Variants in DTD1 observed in about 807,000 individuals in gnomAD.
DTD1 encodes D-tyrosyl-tRNA deacylase 1 homolog.
A neutral mutation model predicts 25.6 loss-of-function variants in DTD1; 13 were observed. The ratio of observed to expected loss-of-function variants is 0.51; its 90% CI spans 0.33 to 0.81. The LOEUF (loss-of-function observed/expected upper bound fraction) is 0.81. Among genes scored for constraint, DTD1 ranks in the 30% least tolerant of loss-of-function variants. The pLI is 0.02. For synonymous variants in DTD1, 110 were observed against 103.6 expected (o/e 1.06, Z -0.37); for missense variants, 193 against 266.4 (o/e 0.72, Z 1.92).
chr20:18,676,211 GT>G lies in DTD1; in HGVS notation c.477+47981del, dbSNP rs1296737700. 2.6e-5 allele frequency among the ~76,000 whole-genome samples: 4 copies of G among 152,088 alleles called. No homozygotes were observed. In the East Asian group the frequency reaches 5.8e-4, roughly 22 times the overall value. On this transcript the variant is annotated intron_variant, in intron 4 of 5. Transcript: ENST00000377452. ...GGTAGAGAATGCAGACATGTCCAAG[GT>G]TTCGAAACTGCTCATCAAGAGCTCC...
chr20:18,591,832 A>G (rs1041818322), intron 1 of DTD1, among the ~76,000 whole-genome samples: 6 of 152,204 alleles, frequency 3.9e-5, no homozygotes, highest in South Asian at 2.1e-4. Context: ...CCAACCCCCA[A>G]TTGTTTACTG....
At chr20:18,619,724 C>A (rs951034389) in intron 3 of DTD1, among the ~76,000 whole-genome samples, 18 of 152,332 alleles carry the variant, frequency 1.2e-4, no homozygotes, top group African/African-American at 3.8e-4. Flanking sequence ...CGCACCTGGC[C>A]TCCTCTCCTG....
At chr20:18,724,053 C>G (rs1251172216) in intron 4 of DTD1, among the ~76,000 whole-genome samples, 2 of 152,218 alleles carry the variant, frequency 1.3e-5, no homozygotes, top group Non-Finnish European at 2.9e-5. Flanking sequence ...AAGGGAATGT[C>G]CCTATCTCCT....
chr20:18,606,121 A>T (rs1323784329), intron 3 of DTD1, among the ~76,000 whole-genome samples: 1 of 150,314 alleles, frequency 6.7e-6, no homozygotes, highest in Non-Finnish European at 1.5e-5. Flanking sequence ...GGCGAAGGAC[A>T]TGAACAGACA....
intron 5 of DTD1, among the ~76,000 whole-genome samples, chr20:18,750,222 G>A (rs1352711186): frequency 6.6e-6 from 1 of 152,100 alleles, no homozygotes; most frequent in African/African-American, 2.4e-5. Flanking sequence ...TGTTGCCCGT[G>A]GGTTTTGTTC....
intron 4 of DTD1, among the ~76,000 whole-genome samples, chr20:18,640,780 G>A (rs533766564): frequency 2.0e-5 from 3 of 151,960 alleles, no homozygotes; most frequent in South Asian, 4.2e-4. Flanking sequence ...ACAGGCATGC[G>A]TCACCGTGCC....
intron 4 of DTD1, among the ~76,000 whole-genome samples, chr20:18,688,104 G>A (rs1042256614): frequency 1.3e-5 from 2 of 152,110 alleles, no homozygotes; most frequent in South Asian, 4.1e-4. Context: ...CCCATGCATG[G>A]TCCATCTATA....
intron 3 of DTD1, among the ~76,000 whole-genome samples, chr20:18,627,148 G>A (rs943944398): frequency 5.3e-5 from 8 of 152,214 alleles, no homozygotes; most frequent in Non-Finnish European, 1.0e-4. Flanking sequence ...CAGCTTGGGT[G>A]CTTCTAATAC....
chr20:18,665,782 G>T (rs1002129403), intron 4 of DTD1, among the ~76,000 whole-genome samples: 1 of 151,990 alleles, frequency 6.6e-6, no homozygotes. Flanking sequence ...GGTCTATAGG[G>T]TTTATTTTTT....
chr20:18,757,492 A>T, intron 5 of DTD1, among the ~76,000 whole-genome samples: 1 of 152,156 alleles, frequency 6.6e-6, no homozygotes. Flanking sequence ...GTGCTGTTGA[A>T]TTTTGTCAAA....
chr20:18,639,616 C>T (rs974476133), intron 4 of DTD1, among the ~76,000 whole-genome samples: 1 of 152,162 alleles, frequency 6.6e-6, no homozygotes, highest in East Asian at 1.9e-4. Flanking sequence ...CTTTATACCT[C>T]ACTAGCTCCA....
chr20:18,734,205 C>T (rs1002645304), intron 4 of DTD1, among the ~76,000 whole-genome samples: 5 of 152,344 alleles, frequency 3.3e-5, no homozygotes, highest in Admixed American at 6.5e-5. Context: ...TTGCTCACTG[C>T]AGGTTGCCTC....
At chr20:18,683,502 T>C (rs1435547751) in intron 4 of DTD1, among the ~76,000 whole-genome samples, 1 of 152,186 alleles carries the variant, frequency 6.6e-6, no homozygotes, top group African/African-American at 2.4e-5. Flanking sequence ...ACCATACCAC[T>C]ATGTTTAGAA....
At chr20:18,708,219 ATATATATATATTTTATATATATAT>A (rs2061136264) in intron 4 of DTD1, among the ~76,000 whole-genome samples, 1 of 40,710 alleles carries the variant, frequency 2.5e-5, no homozygotes, top group Non-Finnish European at 4.4e-5. Flanking sequence ...TATATATATA[ATATATATATATTTTATATATATAT>A]AATATATATT....
chr20:18,643,879 C>T (rs1350449554), intron 4 of DTD1, among the ~76,000 whole-genome samples: 2 of 151,974 alleles, frequency 1.3e-5, no homozygotes, highest in African/African-American at 4.8e-5. Flanking sequence ...TGTGTGTGTA[C>T]ATGCACTTGT....
chr20:18,669,385 C>T (rs141706893), intron 4 of DTD1, among the ~76,000 whole-genome samples: 1 of 152,208 alleles, frequency 6.6e-6, no homozygotes, highest in South Asian at 2.1e-4. Flanking sequence ...TGTGGACCTG[C>T]ATGAAACTGA....
intron 4 of DTD1, among the ~76,000 whole-genome samples, chr20:18,684,799 C>T (rs1568668343): frequency 6.6e-6 from 1 of 152,170 alleles, no homozygotes; most frequent in Non-Finnish European, 1.5e-5. Flanking sequence ...ACAGTGACAA[C>T]TCCCAAAATC....
intron 4 of DTD1, among the ~76,000 whole-genome samples, chr20:18,656,543 G>C (rs759469224): frequency 4.7e-4 from 71 of 152,186 alleles, no homozygotes; most frequent in Non-Finnish European, 8.2e-4. Flanking sequence ...TTCCCATTCA[G>C]TTCTTGGGAG....
intron 4 of DTD1, among the ~76,000 whole-genome samples, chr20:18,741,516 T>C (rs1435404261): frequency 6.6e-6 from 1 of 152,180 alleles, no homozygotes; most frequent in East Asian, 1.9e-4. Context: ...ATATATTCAT[T>C]CCACTAAGAT....
Sources: allele counts gnomAD v4.1 joint callset (sites outside exome capture counted in the v4.1 genomes callset), GRCh38; gene constraint gnomAD v4.1.1; transcripts MANE v1.5; gene names NCBI Gene and HGNC (gene_info 2026-07-23, HGNC 2026-07-21).